The following SH3GL2 variants were observed in gnomAD, a reference collection of about 807,000 sequenced individuals.
SH3GL2 encodes SH3 domain containing GRB2 like 2, endophilin A1, also known as endophilin-A1.
SH3GL2 carries 24 observed loss-of-function variants against 46.0 expected under a neutral mutation model. The observed-to-expected ratio is 0.52, with a 90% confidence interval of 0.38 to 0.73. SH3GL2 has a LOEUF of 0.73. Among genes scored for constraint, SH3GL2 ranks in the 30% least tolerant of loss-of-function variants. The pLI, the probability that SH3GL2 is intolerant of heterozygous loss-of-function variation, is 0.00. For synonymous variants in SH3GL2, 196 were observed against 147.1 expected, an observed-to-expected ratio of 1.33 and a Z score of -2.40; for missense variants, 413 against 424.2, an observed-to-expected ratio of 0.97 and a Z score of 0.23.
chr9:17,579,170 C>T lies in SH3GL2; in HGVS notation c.-73C>T, dbSNP rs1340511230. On this transcript the variant is annotated 5_prime_UTR_variant, in exon 1 of 9. Transcript: ENST00000380607. ...CAGAGGCGGCCAGGGGAGCGCGCCG[C>T]CCCGCTCGGCCCTCCAGTCCCCCTC... 2.0e-5 allele frequency: 23 copies of T among 1,154,632 alleles called. 1 individual carries two copies. Among genetic ancestry groups the T allele is most frequent in the Middle Eastern group, 2.1e-4 (1 of 4,710 alleles). The allele number at this position is 1,154,632 out of a possible 1,614,324, so 71.5% of individuals were successfully genotyped here. A position where few individuals can be genotyped will look rare whatever the true frequency, so the allele number is the denominator to read the frequency against.
chr9:17,632,891 G>A (rs149256994), intron 1 of SH3GL2, among the ~76,000 whole-genome samples: 19 of 152,310 alleles, frequency 1.2e-4, no homozygotes, highest in African/African-American at 4.6e-4. Context: ...AACAGGTAAC[G>A]GATTGTGGTG....
At chr9:17,582,696 A>G (rs781004094) in intron 1 of SH3GL2, among the ~76,000 whole-genome samples, 7 of 152,258 alleles carry the variant, frequency 4.6e-5, no homozygotes, top group Non-Finnish European at 1.0e-4. Flanking sequence ...TTTCAACGAC[A>G]GAAATACATT....
chr9:17,746,423 C>T (rs1196947248), intron 1 of SH3GL2, among the ~76,000 whole-genome samples: 1 of 152,140 alleles, frequency 6.6e-6, no homozygotes, highest in East Asian at 1.9e-4. Flanking sequence ...TGACTGTTTG[C>T]ATTTGTTATT....
At chr9:17,757,970 G>T (rs1003716179) in intron 2 of SH3GL2, among the ~76,000 whole-genome samples, 3 of 152,122 alleles carry the variant, frequency 2.0e-5, no homozygotes, top group Non-Finnish European at 4.4e-5. Context: ...AAAGAGTCCT[G>T]GGCATTATTA....
At chr9:17,636,545 C>T (rs1563791862) in intron 1 of SH3GL2, among the ~76,000 whole-genome samples, 2 of 152,154 alleles carry the variant, frequency 1.3e-5, no homozygotes, top group Admixed American at 1.3e-4. Context: ...CACAGTACAA[C>T]TTCCAGCAGT....
At chr9:17,647,823 A>G (rs1000591219) in intron 1 of SH3GL2, among the ~76,000 whole-genome samples, 1 of 152,170 alleles carries the variant, frequency 6.6e-6, no homozygotes, top group South Asian at 2.1e-4. Flanking sequence ...TTACAGTTGA[A>G]CTTTGAACAA....
intron 1 of SH3GL2, among the ~76,000 whole-genome samples, chr9:17,603,956 C>T (rs1034916352): frequency 1.3e-5 from 2 of 152,092 alleles, no homozygotes; most frequent in Non-Finnish European, 2.9e-5. Flanking sequence ...TTTTATGTTA[C>T]ATATATTTTA....
chr9:17,729,809 A>T (rs916852188), intron 1 of SH3GL2, among the ~76,000 whole-genome samples: 1 of 152,106 alleles, frequency 6.6e-6, no homozygotes, highest in Non-Finnish European at 1.5e-5. Context: ...TGTTCTGTTC[A>T]TTGGTCTATA....
At chr9:17,714,324 CT>C (rs1188002453) in intron 1 of SH3GL2, among the ~76,000 whole-genome samples, 2 of 151,550 alleles carry the variant, frequency 1.3e-5, no homozygotes, top group East Asian at 1.9e-4. Context: ...AAATCTCTGC[CT>C]TTTTTATGGA....
At chr9:17,682,113 G>A (rs2118052291) in intron 1 of SH3GL2, among the ~76,000 whole-genome samples, 1 of 152,238 alleles carries the variant, frequency 6.6e-6, no homozygotes, top group African/African-American at 2.4e-5. Context: ...CTGTTGGTGG[G>A]AATGTAAATT....
At chr9:17,709,067 C>G (rs1332975969) in intron 1 of SH3GL2, among the ~76,000 whole-genome samples, 2 of 151,996 alleles carry the variant, frequency 1.3e-5, no homozygotes, top group African/African-American at 4.8e-5. Flanking sequence ...GATTCTTACT[C>G]CTATCAAGAC....
chr9:17,665,114 T>A (rs987446253), intron 1 of SH3GL2, among the ~76,000 whole-genome samples: 1 of 152,180 alleles, frequency 6.6e-6, no homozygotes, highest in Admixed American at 6.5e-5. Flanking sequence ...GTACACAAAC[T>A]ATTTTTTCTC....
intron 1 of SH3GL2, among the ~76,000 whole-genome samples, chr9:17,622,268 C>T (rs1563786019): frequency 6.6e-6 from 1 of 152,090 alleles, no homozygotes; most frequent in Non-Finnish European, 1.5e-5. Flanking sequence ...CCGTAATCCC[C>T]CCAAACAGTC....
rs947318760 is a variant in SH3GL2 at position 17,789,298 on chromosome 9, A to G, written c.466-94A>G. On this transcript the variant is annotated intron_variant, in intron 5 of 8. Coordinates refer to ENST00000380607, the MANE Select transcript of SH3GL2 (RefSeq NM_003026.5). ...GTATTTTAAAACTTAGCCTATCTTA[A>G]TTTGGAAGTTAATGGACGTGATGGA... 54 of 1,001,594 alleles carry G rather than the reference A, an allele frequency of 5.4e-5. No homozygotes were observed. The South Asian group carries it at 5.4e-4, about 10-fold the overall frequency. The allele number at this position is 1,001,594 out of a possible 1,614,324, so 62.0% of individuals were successfully genotyped here.
At chr9:17,615,084 C>CTGTGTGCTG (rs1563782546) in intron 1 of SH3GL2, among the ~76,000 whole-genome samples, 1 of 152,160 alleles carries the variant, frequency 6.6e-6, no homozygotes. Context: ...GACACTTGGG[C>CTGTGTGCTG]TGTGTGCTGC....
intron 1 of SH3GL2, among the ~76,000 whole-genome samples, chr9:17,604,226 A>G (rs1450949950): frequency 6.6e-6 from 1 of 152,218 alleles, no homozygotes; most frequent in Non-Finnish European, 1.5e-5. Context: ...TGCAAAGTGC[A>G]GCAAGAGCTG....
At chr9:17,780,153 A>C (rs1262537740) in intron 3 of SH3GL2, among the ~76,000 whole-genome samples, 1 of 152,184 alleles carries the variant, frequency 6.6e-6, no homozygotes, top group African/African-American at 2.4e-5. Context: ...TCAATGAACT[A>C]TTATAAACTT....
At chr9:17,609,114 C>T (rs994003253) in intron 1 of SH3GL2, among the ~76,000 whole-genome samples, 20 of 152,034 alleles carry the variant, frequency 1.3e-4, no homozygotes, top group Admixed American at 2.6e-4. Flanking sequence ...GTTAGTAACC[C>T]GCATTATTGA....
chr9:17,786,299 C>A, intron 3 of SH3GL2, 82 bp from the exon 4 acceptor site: 1 of 1,347,240 alleles, frequency 7.4e-7, no homozygotes, highest in Non-Finnish European at 1.0e-6. Flanking sequence ...GTAGGCTGCT[C>A]TGAGACCTGA....
Sources: allele counts gnomAD v4.1 joint callset (sites outside exome capture counted in the v4.1 genomes callset), GRCh38; gene constraint gnomAD v4.1.1; transcripts MANE v1.5; gene names NCBI Gene and HGNC (gene_info 2026-07-23, HGNC 2026-07-21).